The following CDK15 variants were observed in gnomAD, a reference collection of about 807,000 sequenced individuals.
CDK15 encodes the protein cyclin-dependent kinase 15.
In CDK15, 62 loss-of-function variants were observed where a neutral mutation model predicts 60.3. The observed-to-expected ratio is 1.03, with a 90% CI of 0.84 to 1.27. CDK15 has a LOEUF of 1.27. CDK15 is among the 50% of genes most tolerant of loss of function. The probability of loss-of-function intolerance (pLI) is 0.00; values close to 1 mark genes in which losing one functional copy is unlikely to be tolerated. For synonymous variants in CDK15, 194 were observed against 195.7 expected, an observed-to-expected ratio of 0.99 and a Z score of 0.07; for missense variants, 541 against 527.8, an observed-to-expected ratio of 1.03 and a Z score of -0.25.
chr2:201,890,755 A>G, intron 12 of CDK15, 30 bp from the exon 13 acceptor site: 1 of 1,516,876 alleles, frequency 6.6e-7, no homozygotes, highest in Non-Finnish European at 9.1e-7. Context: ...GAAATAACAT[A>G]TTGGTGCTTC....
At chr2:201,860,181 A>T (rs1379276355) in intron 10 of CDK15, among the ~76,000 whole-genome samples, 1 of 152,180 alleles carries the variant, frequency 6.6e-6, no homozygotes, top group African/African-American at 2.4e-5. Flanking sequence ...GCATTAATGT[A>T]CTGCTGGGTT....
intron 11 of CDK15, among the ~76,000 whole-genome samples, chr2:201,879,301 T>C (rs1030825514): frequency 4.6e-5 from 7 of 152,182 alleles, no homozygotes; most frequent in African/African-American, 1.7e-4. Context: ...CCCTCCAGAA[T>C]CACCTCTTTA....
At chr2:201,885,664 T>C (rs1377233675) in intron 12 of CDK15, among the ~76,000 whole-genome samples, 1 of 152,124 alleles carries the variant, frequency 6.6e-6, no homozygotes, top group Admixed American at 6.6e-5. Context: ...AGCCCTTAAG[T>C]TGGTTAAATT....
At chr2:201,857,157 C>G (rs1291990914) in intron 10 of CDK15, among the ~76,000 whole-genome samples, 1 of 80,772 alleles carries the variant, frequency 1.2e-5, no homozygotes. Flanking sequence ...ACCCGGGAAG[C>G]GGAGCTTGCA....
chr2:201,854,315 G>A (rs1347984830), intron 9 of CDK15, among the ~76,000 whole-genome samples: 1 of 152,216 alleles, frequency 6.6e-6, no homozygotes, highest in Non-Finnish European at 1.5e-5. Context: ...TGAGATGAAT[G>A]TAATAGAAAA....
intron 11 of CDK15, among the ~76,000 whole-genome samples, chr2:201,876,943 G>A (rs969971792): frequency 6.6e-6 from 1 of 151,922 alleles, no homozygotes; most frequent in African/African-American, 2.4e-5. Flanking sequence ...GACTACAGGT[G>A]CATGCTACCA....
At chr2:201,846,027 G>A (rs575287839) in intron 8 of CDK15, among the ~76,000 whole-genome samples, 212 of 152,168 alleles carry the variant, frequency 1.4e-3, no homozygotes, top group African/African-American at 5.0e-3. Context: ...GCTTGACCAT[G>A]TATGAAAGAA....
intron 12 of CDK15, 48 bp downstream of exon 12, chr2:201,880,215 C>CGT (rs746212014): frequency 1.3e-6 from 2 of 1,598,996 alleles, no homozygotes; most frequent in Non-Finnish European, 1.7e-6. Context: ...TGCGTGAGTG[C>CGT]GTGTGTGTGT....
At chr2:201,823,820 C>A in intron 6 of CDK15, 93 bp downstream of exon 6, 1 of 1,040,254 alleles carries the variant, frequency 9.6e-7, no homozygotes, top group Non-Finnish European at 1.5e-6. Flanking sequence ...TCCTATGATA[C>A]TAAATAAGAG....
intron 10 of CDK15, among the ~76,000 whole-genome samples, chr2:201,863,968 C>T (rs972702384): frequency 2.0e-5 from 3 of 152,094 alleles, no homozygotes; most frequent in Admixed American, 6.5e-5. Flanking sequence ...ACCTGAGTTA[C>T]TTTAACGTTT....
chr2:201,816,466 T>G (rs1392535129), intron 4 of CDK15, among the ~76,000 whole-genome samples: 11 of 147,850 alleles, frequency 7.4e-5, no homozygotes, highest in Non-Finnish European at 1.5e-4. Flanking sequence ...TTTTTTTTTT[T>G]TTTTTTTTTT....
intron 12 of CDK15, chr2:201,888,773 G>C (rs1443769879): frequency 8.5e-7 from 1 of 1,170,016 alleles, no homozygotes; most frequent in Non-Finnish European, 1.1e-6. Context: ...GAGGGGCAAG[G>C]AAGCCGGAGG....
intron 10 of CDK15, among the ~76,000 whole-genome samples, chr2:201,857,889 A>G (rs1431376663): frequency 6.6e-6 from 1 of 152,074 alleles, no homozygotes; most frequent in Non-Finnish European, 1.5e-5. Context: ...CTTGAATGTC[A>G]GTGATTAAGG....
chr2:201,812,189 A>AC (rs1695804447), intron 3 of CDK15, among the ~76,000 whole-genome samples: 2 of 141,582 alleles, frequency 1.4e-5, no homozygotes, highest in African/African-American at 5.4e-5. Context: ...AAAAAAAAAA[A>AC]AACAAAAAAA....
At chr2:201,867,161 A>G (rs1698665267) in intron 10 of CDK15, among the ~76,000 whole-genome samples, 1 of 152,314 alleles carries the variant, frequency 6.6e-6, no homozygotes, top group East Asian at 1.9e-4. Flanking sequence ...ATGTATATAC[A>G]TTGATTAATT....
At chr2:201,817,342 C>G (rs565652204) in intron 4 of CDK15, among the ~76,000 whole-genome samples, 1 of 152,264 alleles carries the variant, frequency 6.6e-6, no homozygotes, top group South Asian at 2.1e-4. Flanking sequence ...GAGATGGTAT[C>G]TCATTGAGGT....
At chr2:201,877,945 C>T (rs961032717) in intron 11 of CDK15, among the ~76,000 whole-genome samples, 1 of 152,216 alleles carries the variant, frequency 6.6e-6, no homozygotes, top group Non-Finnish European at 1.5e-5. Context: ...TGGGCCAAGA[C>T]TTCCAGCATC....
chr2:201,811,834 A>G lies in CDK15; in HGVS notation c.369-649A>G, dbSNP rs914207656. Among the ~76,000 whole-genome samples, 3 of 152,166 alleles carry G rather than the reference A, an allele frequency of 2.0e-5. No individual in the cohort carries two copies. The South Asian group carries it at 6.2e-4, about 31-fold the overall frequency. ...GTATGCCTCCAACTACTCTGCTGAG[A>G]GTAAATAGTAGGAGTGCAAGTGTCT... is the stretch of plus-strand genomic sequence containing the variant. On this transcript the variant is annotated intron_variant, in intron 3 of 13. Coordinates refer to ENST00000652192, the MANE Select transcript of CDK15 (RefSeq NM_001366386.2).
At chr2:201,870,976 G>A (rs2105815765) in intron 10 of CDK15, among the ~76,000 whole-genome samples, 1 of 152,142 alleles carries the variant, frequency 6.6e-6, no homozygotes. Context: ...GATGGTTTTT[G>A]TTTGGGTTAA....
Sources: allele counts gnomAD v4.1 joint callset (sites outside exome capture counted in the v4.1 genomes callset), GRCh38; gene constraint gnomAD v4.1.1; transcripts MANE v1.5; gene names NCBI Gene and HGNC (gene_info 2026-07-23, HGNC 2026-07-21).